The following RIPPLY3 variants were observed in gnomAD, a reference collection of about 807,000 sequenced individuals.
RIPPLY3 encodes protein ripply3.
In RIPPLY3, 8 loss-of-function variants were observed where a neutral mutation model predicts 11.9. The ratio of observed to expected loss-of-function variants is 0.67; its 90% CI spans 0.40 to 1.21. RIPPLY3 has a LOEUF of 1.21. Ranked by LOEUF, RIPPLY3 falls within the 50% of genes most tolerant of loss-of-function variation. RIPPLY3 has a pLI of 0.01. For synonymous variants in RIPPLY3, 102 were observed against 99.0 expected, an observed-to-expected ratio of 1.03 and a Z score of -0.18; for missense variants, 271 against 246.0, an observed-to-expected ratio of 1.10 and a Z score of -0.68.
In RIPPLY3 at chr21:37,006,817, C is replaced by A. The variant is rs1002678521; in HGVS notation, c.45C>A (p.Arg15=). 4 of 1,229,976 alleles carry A rather than the reference C, an allele frequency of 3.3e-6. No individual in the cohort carries two copies. Among genetic ancestry groups the A allele is most frequent in the Non-Finnish European group, 3.0e-6 (3 of 986,818 alleles). 76.2% of individuals were successfully genotyped at this position (1,229,976 alleles called of 1,614,324 possible). The part of the protein sequence containing the change: ...AAAGARKARG[R]GCHCPGDAPW... ...CCGGAGCCCGGAAGGCGCGGGGGCG[C>A]GGCTGTCACTGCCCCGGGGACGCTC... is the stretch of plus-strand genomic sequence containing the variant. The change falls in exon 1 of 4, where the codon CGC becomes CGA. Residue 15 remains arginine, a synonymous_variant. Transcript: ENST00000329553. The surrounding 1 kb of genome is among the most constrained non-coding windows in gnomAD (Gnocchi z 5.2).
At chr21:37,017,146 C>G (rs1252626492) in intron 3 of RIPPLY3, among the ~76,000 whole-genome samples, 1 of 131,606 alleles carries the variant, frequency 7.6e-6, no homozygotes, top group Non-Finnish European at 1.7e-5. Flanking sequence ...GAGTAAGACT[C>G]CCTTTCAAAA....
chr21:37,008,223 G>A lies in RIPPLY3; in HGVS notation c.171G>A (p.Pro57=). The A allele has an allele frequency of 6.2e-7, 1 of 1,614,052 alleles. No homozygotes were observed. The change falls in exon 2 of 4, where the codon CCG becomes CCA. Residue 57 remains proline (P), a splice_region_variant and synonymous_variant. Transcript: ENST00000329553. The part of the protein sequence containing the change: ...GDAELTRTGR[P]LEPRADQHTF... ...CTGAGCTGACCAGAACTGGAAGGCCGGTAAGGTTCAGTGCGGGCGTTGTAG... is the reference window on the plus strand; with the variant it reads ...CTGAGCTGACCAGAACTGGAAGGCCAGTAAGGTTCAGTGCGGGCGTTGTAG...
upstream of RIPPLY3, chr21:37,006,259 G>C (rs1308728399): frequency 6.6e-6 from 1 of 152,540 alleles, no homozygotes; most frequent in African/African-American, 2.4e-5. This position sits in a 1 kb window ranked among gnomAD's most constrained non-coding sequence, Gnocchi z 5.2. Context: ...CCCAGTCCCC[G>C]AGGGAGTGCG....
At chr21:37,007,775 C>T (rs1190306919) in intron 1 of RIPPLY3, among the ~76,000 whole-genome samples, 2 of 152,150 alleles carry the variant, frequency 1.3e-5, no homozygotes, top group Non-Finnish European at 2.9e-5. Flanking sequence ...AATCAATCTC[C>T]TTCCGTGACC....
chr21:37,016,191 G>A (rs1207406441), intron 3 of RIPPLY3, among the ~76,000 whole-genome samples: 1 of 152,036 alleles, frequency 6.6e-6, no homozygotes, highest in Non-Finnish European at 1.5e-5. Context: ...TTGGCACTTT[G>A]GGCTGGATAA....
intron 3 of RIPPLY3, 144 bp downstream of exon 3, chr21:37,013,762 C>A: frequency 1.7e-6 from 1 of 574,474 alleles, no homozygotes; most frequent in Non-Finnish European, 3.0e-6. Flanking sequence ...TTTCCTTATA[C>A]CAAGGAGATT....
chr21:37,018,030 C>T lies in RIPPLY3; in HGVS notation c.396C>T (p.Pro132=), dbSNP rs1287899340. ...EAEEPEEGPP[P]LHLLPQEVGG... ...AAGAGCCAGAGGAAGGACCCCCACC[C>T]CTCCATCTTCTGCCCCAGGAGGTGG... The change falls in exon 4 of 4, where the codon CCC becomes CCT. Residue 132 remains proline, a synonymous_variant. Transcript: ENST00000329553. 1 of 1,614,102 alleles carries T rather than the reference C, an allele frequency of 6.2e-7. No homozygotes were observed. Among genetic ancestry groups the T allele is most frequent in the Admixed American group, 1.7e-5 (1 of 60,006 alleles).
chr21:37,008,154 C>T lies in RIPPLY3; in HGVS notation c.105-3C>T. Reference sequence around the variant, plus strand: ...CACTCTCTCCTGGCGCTTGCCGTTCCAGCCCCGCGCCGTGGCGACCTTGGA... The same window carrying T: ...CACTCTCTCCTGGCGCTTGCCGTTCTAGCCCCGCGCCGTGGCGACCTTGGA... On this transcript the variant is annotated splice_polypyrimidine_tract_variant and splice_region_variant and intron_variant, in intron 1 of 3. Coordinates refer to ENST00000329553, the MANE Select transcript of RIPPLY3 (RefSeq NM_018962.3). 2 of 1,614,124 alleles carry T rather than the reference C, an allele frequency of 1.2e-6. No homozygotes were observed. Among genetic ancestry groups the T allele is most frequent in the South Asian group, 2.2e-5 (2 of 91,074 alleles).
chr21:37,007,683 A>G (rs2069479809), intron 1 of RIPPLY3, among the ~76,000 whole-genome samples: 1 of 152,118 alleles, frequency 6.6e-6, no homozygotes, highest in African/African-American at 2.4e-5. Context: ...TGCTGGGATT[A>G]CAGGTGTGAG....
chr21:37,006,946 G>A lies in RIPPLY3; in HGVS notation c.104+70G>A. 1 of 941,126 alleles carries A rather than the reference G, an allele frequency of 1.1e-6. No homozygotes were observed. Among genetic ancestry groups the A allele is most frequent in the Non-Finnish European group, 1.4e-6 (1 of 729,312 alleles). The allele number at this position is 941,126 out of a possible 1,614,324, so 58.3% of individuals were successfully genotyped here. A position where few individuals can be genotyped will look rare whatever the true frequency, so the allele number is the denominator to read the frequency against. On this transcript the variant is annotated intron_variant, in intron 1 of 3. Transcript: ENST00000329553. The surrounding 1 kb of genome is among the most constrained non-coding windows in gnomAD (Gnocchi z 5.2). ...GCGGTGGCGGTGCGGGGAGCGCAGC[G>A]AGCGGGAGGCTGGGGCGCTGCTGAA...
chr21:37,017,992 G>T lies in RIPPLY3; in HGVS notation c.358G>T (p.Ala120Ser), dbSNP rs929893646. The T allele has an allele frequency of 6.2e-7, 1 of 1,614,062 alleles. No individual in the cohort carries two copies. The highest frequency in any genetic ancestry group is 1.3e-5 in the African/African-American group (1 of 74,932). Residue 120 changes from alanine (A) to serine (S), a missense_variant, in exon 4 of 4, where the codon GCT (alanine) becomes TCT (serine). By Grantham distance (99) the Ala-to-Ser change is moderately conservative (BLOSUM62 1). Transcript: ENST00000329553. Reference protein sequence around the residue: ...DFYDDESTESASEAEEPEEGP... With the variant: ...DFYDDESTESSSEAEEPEEGP... ...CTACGACGATGAGTCTACTGAGTCT[G>T]CTTCCGAAGCTGAAGAGCCAGAGGA...
intron 3 of RIPPLY3, among the ~76,000 whole-genome samples, 198 bp from the exon 4 acceptor site, chr21:37,017,675 CG>C (rs1333678317): frequency 4.6e-5 from 7 of 152,082 alleles, no homozygotes; most frequent in Admixed American, 2.0e-4. Flanking sequence ...ACTTCTGAAC[CG>C]GGGTAGGTTT....
chr21:37,012,134 C>G (rs2069529262), intron 2 of RIPPLY3, among the ~76,000 whole-genome samples: 1 of 151,272 alleles, frequency 6.6e-6, no homozygotes, highest in Non-Finnish European at 1.5e-5. Flanking sequence ...TCCTGTTTCT[C>G]ATCTGGTTCC....
intron 1 of RIPPLY3, among the ~76,000 whole-genome samples, chr21:37,007,635 C>G (rs1235334952): frequency 1.3e-5 from 2 of 152,098 alleles, no homozygotes; most frequent in Non-Finnish European, 2.9e-5. Context: ...TCTCGAACTC[C>G]TGACCTCGAG....
chr21:37,017,359 T>A (rs1187732211), intron 3 of RIPPLY3, among the ~76,000 whole-genome samples: 1 of 152,144 alleles, frequency 6.6e-6, no homozygotes, highest in Non-Finnish European at 1.5e-5. Context: ...AATTTCTTTA[T>A]GGCAACATCT....
chr21:37,011,395 G>T (rs1199321758), intron 2 of RIPPLY3, among the ~76,000 whole-genome samples: 4 of 152,206 alleles, frequency 2.6e-5, no homozygotes, highest in Admixed American at 2.6e-4. Flanking sequence ...ACAGGGTCCA[G>T]TTAGAACTGG....
In RIPPLY3 at chr21:37,011,870, A is replaced by C. The variant is rs1159632232; in HGVS notation, c.172-1681A>C. ...CGGGAGGCTGAGGCAGGAGAATCTC[A>C]GTGAGCCGAGATCGCACCACTGCAC... On this transcript the variant is annotated intron_variant, in intron 2 of 3. Coordinates refer to ENST00000329553, the MANE Select transcript of RIPPLY3 (RefSeq NM_018962.3). 2.2e-5 allele frequency among the ~76,000 whole-genome samples: 3 copies of C among 138,152 alleles called. No homozygotes were observed. The East Asian group carries it at 6.9e-4, about 32-fold the overall frequency. 90.6% of individuals were successfully genotyped at this position (138,152 alleles called of 152,430 possible). A position where few individuals can be genotyped will look rare whatever the true frequency, so the allele number is the denominator to read the frequency against.
chr21:37,007,831 A>G (rs2069481079), intron 1 of RIPPLY3, among the ~76,000 whole-genome samples: 1 of 152,222 alleles, frequency 6.6e-6, no homozygotes, highest in Non-Finnish European at 1.5e-5. Flanking sequence ...AGACAGCTAT[A>G]GTTGGGGAAC....
At chr21:37,008,897 G>A (rs546316269) in intron 2 of RIPPLY3, among the ~76,000 whole-genome samples, 3 of 152,116 alleles carry the variant, frequency 2.0e-5, no homozygotes, top group Non-Finnish European at 4.4e-5. Context: ...TTGGAGAAAA[G>A]CTTAGAGCAC....
Sources: gnomAD v4.1 joint callset for allele counts (sites outside exome capture counted in the v4.1 genomes callset) on GRCh38, gnomAD v4.1.1 for gene constraint, Gnocchi (gnomAD v3.1) non-coding constraint, MANE v1.5 for transcripts, NCBI Gene and HGNC (gene_info 2026-07-23, HGNC 2026-07-21) for gene names.